RFPL1: variants seen among roughly 807,000 people sequenced by gnomAD.
RFPL1 encodes the protein ret finger protein-like 1.
Under a neutral mutation model 9.6 loss-of-function variants are expected in RFPL1, and 6 were observed. The ratio of observed to expected loss-of-function variants is 0.62; its 90% CI spans 0.34 to 1.23. The LOEUF is 1.23. Among genes scored for constraint, RFPL1 ranks in the 50% most tolerant of loss-of-function variants. RFPL1 has a pLI of 0.03. For synonymous variants in RFPL1, 145 were observed against 149.4 expected (o/e 0.97, Z 0.22); for missense variants, 352 against 398.4 (o/e 0.88, Z 0.99).
the RFPL1 span, chr22:29,423,168 C>T: frequency 1.4e-6 from 2 of 1,470,232 alleles, no homozygotes; most frequent in South Asian, 2.3e-5. Flanking sequence ...TCATTTTGGT[C>T]CCTTATCTGT....
At chr22:29,399,374 T>C in the RFPL1 span, among the ~76,000 whole-genome samples, 1 of 152,242 alleles carries the variant, frequency 6.6e-6, no homozygotes, top group African/African-American at 2.4e-5. Flanking sequence ...TATTTTTGTG[T>C]ACGTCTGTTG....
At chr22:29,395,035 C>T in the RFPL1 span, among the ~76,000 whole-genome samples, 1 of 152,186 alleles carries the variant, frequency 6.6e-6, no homozygotes, top group Admixed American at 6.5e-5. Flanking sequence ...AGTCCCTTCC[C>T]CTTTCTGATA....
chr22:29,387,937 T>C, the RFPL1 span, among the ~76,000 whole-genome samples: 1 of 152,236 alleles, frequency 6.6e-6, no homozygotes, highest in Non-Finnish European at 1.5e-5. Flanking sequence ...TCCATTCAGT[T>C]AACTTGTCTT....
At chr22:29,404,684 C>T in the RFPL1 span, among the ~76,000 whole-genome samples, 1 of 152,142 alleles carries the variant, frequency 6.6e-6, no homozygotes, top group Non-Finnish European at 1.5e-5. Context: ...AAAACAGTAA[C>T]ATTAGATAAT....
chr22:29,414,264 A>G, the RFPL1 span, among the ~76,000 whole-genome samples: 1 of 150,388 alleles, frequency 6.6e-6, no homozygotes, highest in African/African-American at 2.5e-5. Context: ...TTCTTTTCCA[A>G]AGCAAACTTC....
At chr22:29,410,286 A>C in the RFPL1 span, among the ~76,000 whole-genome samples, 1 of 95,184 alleles carries the variant, frequency 1.1e-5, no homozygotes, top group Admixed American at 1.3e-4. Flanking sequence ...ATATAGATCT[A>C]TATATATGTA....
chr22:29,442,059 T>C (rs760525817), exon 2 of RFPL1: 79 of 1,612,928 alleles, frequency 4.9e-5, no homozygotes, highest in Non-Finnish European at 6.4e-5. Context: ...GTGTCTTGAG[T>C]ATCTGTCCTG....
the RFPL1 span, among the ~76,000 whole-genome samples, chr22:29,429,740 C>G: frequency 6.6e-6 from 1 of 152,098 alleles, no homozygotes; most frequent in Admixed American, 6.6e-5. Context: ...ACCTAAAGAC[C>G]GCACCAAAAA....
chr22:29,390,226 G>A, the RFPL1 span, among the ~76,000 whole-genome samples: 2 of 152,166 alleles, frequency 1.3e-5, no homozygotes, highest in Admixed American at 6.5e-5. Flanking sequence ...ACAATCCCCT[G>A]AGGTTGTTAT....
At chr22:29,411,417 A>C in the RFPL1 span, among the ~76,000 whole-genome samples, 3 of 152,220 alleles carry the variant, frequency 2.0e-5, no homozygotes, top group Admixed American at 2.0e-4. Flanking sequence ...CTGAATAGGT[A>C]TTGGCATTTA....
chr22:29,403,212 C>A, the RFPL1 span, among the ~76,000 whole-genome samples: 1 of 151,692 alleles, frequency 6.6e-6, no homozygotes, highest in African/African-American at 2.4e-5. Context: ...TGAGGCGGAG[C>A]CTTGTGAGGA....
chr22:29,395,377 T>C, the RFPL1 span, among the ~76,000 whole-genome samples: 1 of 151,954 alleles, frequency 6.6e-6, no homozygotes, highest in African/African-American at 2.4e-5. Flanking sequence ...GGTGGCTTTG[T>C]CCATAGCCTC....
chr22:29,395,672 C>T, the RFPL1 span, among the ~76,000 whole-genome samples: 2 of 152,108 alleles, frequency 1.3e-5, no homozygotes, highest in African/African-American at 4.8e-5. Flanking sequence ...GCCGATGCAT[C>T]GAAAAAGCCC....
chr22:29,406,136 A>G, the RFPL1 span, among the ~76,000 whole-genome samples: 2 of 69,928 alleles, frequency 2.9e-5, no homozygotes, highest in African/African-American at 9.9e-5. Context: ...AAAAAAAAAA[A>G]AAAAAAAAAA....
chr22:29,426,554 C>T, the RFPL1 span, among the ~76,000 whole-genome samples: 1 of 152,060 alleles, frequency 6.6e-6, no homozygotes, highest in Non-Finnish European at 1.5e-5. Flanking sequence ...GAGTTGAAGA[C>T]CAGCCTGACC....
the RFPL1 span, among the ~76,000 whole-genome samples, chr22:29,416,431 CAG>C: frequency 6.6e-6 from 1 of 152,094 alleles, no homozygotes; most frequent in Non-Finnish European, 1.5e-5. Context: ...TGATGTTTAG[CAG>C]AGAGACCCAG....
chr22:29,418,649 G>A, the RFPL1 span, among the ~76,000 whole-genome samples: 3 of 151,850 alleles, frequency 2.0e-5, no homozygotes, highest in Admixed American at 6.6e-5. Context: ...ACAGGCATGT[G>A]CCACCATGCC....
the RFPL1 span, among the ~76,000 whole-genome samples, chr22:29,430,445 T>C: frequency 6.6e-6 from 1 of 152,182 alleles, no homozygotes; most frequent in African/African-American, 2.4e-5. Flanking sequence ...TACTTTTATA[T>C]TTATATATAT....
the RFPL1 span, among the ~76,000 whole-genome samples, chr22:29,397,397 C>T: frequency 4.6e-5 from 7 of 152,088 alleles, no homozygotes; most frequent in Admixed American, 4.6e-4. Context: ...TCTCCAAAAC[C>T]CATCAGCCTT....
Sources: gnomAD v4.1 joint callset for allele counts (sites outside exome capture counted in the v4.1 genomes callset) on GRCh38, gnomAD v4.1.1 for gene constraint, MANE v1.5 for transcripts, NCBI Gene and HGNC (gene_info 2026-07-23, HGNC 2026-07-21) for gene names.